Variants in NCOR2 observed in about 807,000 individuals in gnomAD.
NCOR2 encodes nuclear receptor corepressor 2.
Under a neutral mutation model 262.9 loss-of-function variants are expected in NCOR2, and 81 were observed. The observed-to-expected ratio is 0.31, with a 90% CI of 0.26 to 0.37. The LOEUF (loss-of-function observed/expected upper bound fraction) is 0.37, where lower values mean the gene tolerates loss of function less well. NCOR2 is among the 10% of genes least tolerant of loss of function. The pLI is 1.00. For synonymous variants in NCOR2, 1,659 were observed against 1,559.3 expected (o/e 1.06, Z -1.51); for missense variants, 3,385 against 3,621.4 (o/e 0.93, Z 1.68).
chr12:124,375,641 C>T (rs1259462082), intron 18 of NCOR2, among the ~76,000 whole-genome samples: 1 of 152,234 alleles, frequency 6.6e-6, no homozygotes, highest in Non-Finnish European at 1.5e-5. Context: ...CCTTTCCTTT[C>T]TGCCTGGAGG....
Position 124,504,973 on chromosome 12 carries a change from G to T in NCOR2, c.-117-9605C>A, listed in dbSNP as rs1033116798. 2.0e-5 allele frequency among the ~76,000 whole-genome samples: 3 copies of T among 152,224 alleles called. No homozygotes were observed. Among genetic ancestry groups the T allele is most frequent in the African/African-American group, 7.2e-5 (3 of 41,450 alleles). The stretch of plus-strand genomic sequence containing the variant: ...CAGAGGTGGTGGTTGCACAACCCGT[G>T]AATGTCCTAAATGCAAACTAATTGT... On this transcript the variant is annotated intron_variant, in intron 1 of 46. Coordinates refer to the NCOR2 transcript ENST00000404621. The surrounding 1 kb of genome is among the most constrained non-coding windows in gnomAD (Gnocchi z 4.5).
At chr12:124,532,715 C>T (rs1220077193) in intron 1 of NCOR2, among the ~76,000 whole-genome samples, 2 of 152,146 alleles carry the variant, frequency 1.3e-5, no homozygotes, top group African/African-American at 2.4e-5. Flanking sequence ...ACGGAGACGC[C>T]GATGGACGGG....
chr12:124,385,511 G>A (rs990367410), intron 17 of NCOR2, among the ~76,000 whole-genome samples: 1 of 152,206 alleles, frequency 6.6e-6, no homozygotes, highest in Non-Finnish European at 1.5e-5. Context: ...GGTGGGGGTG[G>A]AGGGCAGCCT....
chr12:124,381,862 G>C (rs2040434545), intron 17 of NCOR2, among the ~76,000 whole-genome samples: 1 of 152,258 alleles, frequency 6.6e-6, no homozygotes, highest in African/African-American at 2.4e-5. Context: ...CGGCCATAAG[G>C]AGGGGGAGGG....
In NCOR2 at chr12:124,443,917, T is replaced by C. The variant is rs936589768; in HGVS notation, c.815+5898A>G. On this transcript the variant is annotated intron_variant, in intron 7 of 46. Transcript: ENST00000405201. The surrounding 1 kb of genome is among the most constrained non-coding windows in gnomAD (Gnocchi z 4.4). ...CAGGCCATCGGGCCACACCCCTTCA[T>C]GGCCACAGGCTGGGAAACTGAGGCT... Among the ~76,000 whole-genome samples the C allele has an allele frequency of 5.9e-5, 9 of 152,124 alleles. No homozygotes were observed. In the East Asian group the frequency reaches 1.7e-3, roughly 29 times the overall value.
At chr12:124,427,976 A>G (rs1245241049) in intron 10 of NCOR2, among the ~76,000 whole-genome samples, 1 of 149,130 alleles carries the variant, frequency 6.7e-6, no homozygotes, top group Non-Finnish European at 1.5e-5. Flanking sequence ...TTCCACTTCC[A>G]CCCTTCACCC....
chr12:124,497,244 G>A (rs2048426149), upstream of NCOR2, among the ~76,000 whole-genome samples: 1 of 152,214 alleles, frequency 6.6e-6, no homozygotes, highest in East Asian at 1.9e-4. The surrounding 1 kb of genome is among the most constrained non-coding windows in gnomAD (Gnocchi z 4.2). Flanking sequence ...GAATTCCGGA[G>A]CCAAGACTGA....
chr12:124,551,471 G>C (rs2051712164), intron 1 of NCOR2, among the ~76,000 whole-genome samples: 1 of 152,186 alleles, frequency 6.6e-6, no homozygotes, highest in African/African-American at 2.4e-5. Flanking sequence ...TCCAGGAAGG[G>C]GGCTCCCGTG....
At chr12:124,356,743 G>C (rs761630262) in exon 23 of NCOR2, 2 of 1,495,514 alleles carry the variant, frequency 1.3e-6, no homozygotes, top group South Asian at 2.8e-5. Context: ...AGTCCAGCAA[G>C]GGGGGTCCCC....
chr12:124,383,191 G>C (rs894956351), intron 17 of NCOR2, among the ~76,000 whole-genome samples: 3 of 152,190 alleles, frequency 2.0e-5, no homozygotes, highest in African/African-American at 7.2e-5. Context: ...TTTGAAGTGG[G>C]TTCCATTATT....
At chr12:124,327,620 A>G in exon 45 of NCOR2, 3 of 1,583,370 alleles carry the variant, frequency 1.9e-6, no homozygotes, top group Non-Finnish European at 2.6e-6. Flanking sequence ...CCTGGCTTCT[A>G]TAGGTCATAA....
rs540784012 is a variant in NCOR2 at position 124,418,574 on chromosome 12, T to C, written c.1482+1383A>G. Among the ~76,000 whole-genome samples, 5 of 152,272 alleles carry C rather than the reference T, an allele frequency of 3.3e-5. No homozygotes were observed. In the East Asian group the frequency reaches 9.7e-4, roughly 29 times the overall value. ...CTCTCCAGGCACAGTCCAACCAGCC[T>C]TGTGGGTGCAAAACAACGGCTTTAC... is the stretch of plus-strand genomic sequence containing the variant. On this transcript the variant is annotated intron_variant, in intron 13 of 46. Transcript: ENST00000405201.
rs1053306692 is a variant in NCOR2, at chr12:124,356,603, A to G, written c.3241+39T>C. 8 of 1,410,616 alleles carry G rather than the reference A, an allele frequency of 5.7e-6. No individual in the cohort carries two copies. In the Admixed American group the frequency reaches 1.9e-4, roughly 33 times the overall value. The allele number at this position is 1,410,616 out of a possible 1,614,324, so 87.4% of individuals were successfully genotyped here. A position where few individuals can be genotyped will look rare whatever the true frequency, so the allele number is the denominator to read the frequency against. ...CAAACAGTGCAAACAGCGATTGTGC[A>G]CTGGCTGAAGAAGCCCAAGCTCGGG... On this transcript the variant is annotated intron_variant, in intron 23 of 46. Transcript: ENST00000405201.
At chr12:124,355,122 C>A (rs570881940) in intron 24 of NCOR2, 183 bp from the exon 27 acceptor site, 3 of 625,786 alleles carry the variant, frequency 4.8e-6, no homozygotes, top group Non-Finnish European at 8.3e-6. Context: ...TGTGAAGGGG[C>A]CATGCCCTCT....
rs2044748223 is a variant in NCOR2 at position 124,440,551 on chromosome 12, C to T, written c.816-2555G>A. On this transcript the variant is annotated intron_variant, in intron 7 of 46. Coordinates refer to ENST00000405201, the Ensembl canonical transcript of NCOR2. This position sits in a 1 kb window ranked among gnomAD's most constrained non-coding sequence, Gnocchi z 5.7. ...CAGTTTCCTCATCTGAAATCTATGG[C>T]ATCGCAGCCTCATCTTCTGTTATTC... 6.6e-6 allele frequency among the ~76,000 whole-genome samples: 1 copy of T among 152,224 alleles called. No homozygotes were observed. Among genetic ancestry groups the T allele is most frequent in the Non-Finnish European group, 1.5e-5 (1 of 68,028 alleles).
chr12:124,456,215 C>T (rs73423623), intron 6 of NCOR2, among the ~76,000 whole-genome samples: 74 of 152,354 alleles, frequency 4.9e-4, no homozygotes, highest in Middle Eastern at 3.4e-3. Flanking sequence ...CGCACTCACA[C>T]GCACACCCTA....
chr12:124,494,490 AGTGGG>A (rs1312013874), intron 1 of NCOR2, among the ~76,000 whole-genome samples: 2 of 152,148 alleles, frequency 1.3e-5, no homozygotes, highest in African/African-American at 2.4e-5. Context: ...CCCGCTGGGA[AGTGGG>A]GTGGGGTGGG....
At chr12:124,396,738 G>A (rs2041689005) in intron 16 of NCOR2, among the ~76,000 whole-genome samples, 1 of 152,092 alleles carries the variant, frequency 6.6e-6, no homozygotes, top group South Asian at 2.1e-4. Flanking sequence ...CCGGGGTGAG[G>A]GCGGGGGCTG....
chr12:124,446,133 G>A (rs2045152799), intron 7 of NCOR2, among the ~76,000 whole-genome samples: 1 of 152,202 alleles, frequency 6.6e-6, no homozygotes, highest in African/African-American at 2.4e-5. Context: ...CCTGCAAGGA[G>A]TGCAGGGTGC....
Sources: gnomAD v4.1 joint callset for allele counts (sites outside exome capture counted in the v4.1 genomes callset) on GRCh38, gnomAD v4.1.1 for gene constraint, Gnocchi (gnomAD v3.1) non-coding constraint, MANE v1.5 for transcripts, NCBI Gene and HGNC (gene_info 2026-07-23, HGNC 2026-07-21) for gene names.